CDH13: variants seen among roughly 807,000 people sequenced by gnomAD.
The protein encoded by CDH13 is cadherin 13.
In CDH13, 24 loss-of-function variants were observed where a neutral mutation model predicts 63.8. The observed-to-expected ratio is 0.38, with a 90% CI of 0.27 to 0.53. The LOEUF is 0.53. Ranked by LOEUF, CDH13 falls within the 20% of genes least tolerant of loss-of-function variation. The pLI is 0.85. For missense variants in CDH13, 1,049 were observed against 903.1 expected (o/e 1.16, Z -2.07); for synonymous variants, 503 against 355.3 (o/e 1.42, Z -4.67).
chr16:83,571,858 G>A (rs1350358093), intron 7 of CDH13, among the ~76,000 whole-genome samples: 1 of 152,102 alleles, frequency 6.6e-6, no homozygotes, highest in African/African-American at 2.4e-5. Context: ...TCATTCCCCT[G>A]GCTCCTCACA....
intron 2 of CDH13, among the ~76,000 whole-genome samples, chr16:82,895,023 A>C (rs1370622800): frequency 6.6e-6 from 1 of 152,192 alleles, no homozygotes; most frequent in African/African-American, 2.4e-5. Context: ...TGTATCAGCC[A>C]TGATGTTTTC....
chr16:83,080,809 G>T (rs748287513), intron 3 of CDH13, among the ~76,000 whole-genome samples: 1 of 147,744 alleles, frequency 6.8e-6, no homozygotes, highest in African/African-American at 2.5e-5. Context: ...AAATTAGTGG[G>T]TTATTTTTTA....
At chr16:83,069,340 TA>T (rs2032263087) in intron 3 of CDH13, among the ~76,000 whole-genome samples, 1 of 152,174 alleles carries the variant, frequency 6.6e-6, no homozygotes, top group South Asian at 2.1e-4. Context: ...TTCTGATTAA[TA>T]AAAATAATTT....
At chr16:83,081,106 C>A (rs1432580059) in intron 3 of CDH13, among the ~76,000 whole-genome samples, 1 of 151,792 alleles carries the variant, frequency 6.6e-6, no homozygotes, top group African/African-American at 2.4e-5. Context: ...GTCTCGAACT[C>A]CCGACGTCAG....
At chr16:83,589,821 G>A (rs777407760) in intron 7 of CDH13, among the ~76,000 whole-genome samples, 6 of 152,120 alleles carry the variant, frequency 3.9e-5, no homozygotes, top group African/African-American at 9.7e-5. Flanking sequence ...AGGCAGGAGT[G>A]ACTCTGGGAA....
intron 3 of CDH13, among the ~76,000 whole-genome samples, chr16:83,055,701 C>G (rs2030856261): frequency 6.6e-6 from 1 of 151,976 alleles, no homozygotes; most frequent in Non-Finnish European, 1.5e-5. Context: ...CTTATGCAAA[C>G]TCTTCTGTAA....
chr16:82,861,280 A>T (rs75196932), intron 2 of CDH13, among the ~76,000 whole-genome samples: 2,533 of 152,266 alleles, frequency 0.017, 34 homozygotes, highest in Non-Finnish European at 0.025. Context: ...TTTTTCCTTT[A>T]TCTTTGCAAT....
intron 8 of CDH13, among the ~76,000 whole-genome samples, chr16:83,658,929 C>G (rs1333186487): frequency 1.4e-5 from 2 of 141,220 alleles, no homozygotes; most frequent in Non-Finnish European, 3.1e-5. Context: ...TCCTCACCAG[C>G]AAGGTCCCAT....
intron 6 of CDH13, among the ~76,000 whole-genome samples, chr16:83,377,607 G>A (rs889825603): frequency 6.6e-6 from 1 of 152,162 alleles, no homozygotes; most frequent in Non-Finnish European, 1.5e-5. Context: ...GGCCATAAAT[G>A]TAAAAATAAA....
In CDH13 at chr16:83,556,876, C is replaced by A. The variant is rs545400861; in HGVS notation, c.961-45578C>A. On this transcript the variant is annotated intron_variant, in intron 7 of 13. Coordinates refer to ENST00000567109, the MANE Select transcript of CDH13 (RefSeq NM_001257.5). ...AGGAAACGTTGAAGCGCCTCCTGGG[C>A]TGTGTCCCTCCATCCCTGTGCCTCT... is the stretch of plus-strand genomic sequence containing the variant. 3.9e-5 allele frequency among the ~76,000 whole-genome samples: 6 copies of A among 152,326 alleles called. No homozygotes were observed. In the East Asian group the frequency reaches 1.2e-3, roughly 29 times the overall value.
intron 7 of CDH13, among the ~76,000 whole-genome samples, chr16:83,552,145 C>G (rs192028015): frequency 3.3e-5 from 5 of 152,168 alleles, no homozygotes; most frequent in Admixed American, 2.6e-4. Context: ...GCCCTTTGTC[C>G]TCAGACAGTG....
chr16:83,248,011 G>C (rs1343488674), intron 5 of CDH13, among the ~76,000 whole-genome samples: 1 of 152,176 alleles, frequency 6.6e-6, no homozygotes, highest in Admixed American at 6.5e-5. Context: ...AGAGTAGAAA[G>C]GCGAGAGTGA....
intron 4 of CDH13, among the ~76,000 whole-genome samples, chr16:83,154,287 T>C (rs2151700049): frequency 6.6e-6 from 1 of 152,266 alleles, no homozygotes; most frequent in East Asian, 1.9e-4. Flanking sequence ...CCAAGTGCAG[T>C]GGCTCACATC....
At chr16:82,649,002 A>T (rs1910424594) in intron 1 of CDH13, among the ~76,000 whole-genome samples, 1 of 152,154 alleles carries the variant, frequency 6.6e-6, no homozygotes, top group Admixed American at 6.5e-5. Context: ...ATGGGGAAGA[A>T]AGAGAAAAGT....
chr16:83,441,774 G>C (rs776158213), intron 6 of CDH13, among the ~76,000 whole-genome samples: 2 of 152,122 alleles, frequency 1.3e-5, no homozygotes, highest in African/African-American at 2.4e-5. Flanking sequence ...AGCCCTATGA[G>C]TAAATGTGAT....
At chr16:83,490,267 C>A (rs1481239440) in intron 7 of CDH13, among the ~76,000 whole-genome samples, 4 of 152,168 alleles carry the variant, frequency 2.6e-5, no homozygotes, top group Non-Finnish European at 5.9e-5. Context: ...AAGGGAGAGG[C>A]AGATGATGCA....
chr16:83,000,398 G>C (rs1443621037), intron 2 of CDH13, among the ~76,000 whole-genome samples: 1 of 149,988 alleles, frequency 6.7e-6, no homozygotes, highest in African/African-American at 2.4e-5. Flanking sequence ...ACAGGCGCCC[G>C]CCACCACGCC....
chr16:83,482,009 G>T (rs537117887), intron 6 of CDH13, among the ~76,000 whole-genome samples: 7 of 152,184 alleles, frequency 4.6e-5, no homozygotes, highest in African/African-American at 1.7e-4. Flanking sequence ...CCTGCTGCAT[G>T]TCAGCCCTGG....
At chr16:83,263,577 C>CA (rs1907237068) in intron 5 of CDH13, among the ~76,000 whole-genome samples, 1 of 152,040 alleles carries the variant, frequency 6.6e-6, no homozygotes, top group Non-Finnish European at 1.5e-5. Context: ...ATAAAAAAAA[C>CA]AAAACAAAAC....
Sources: gnomAD v4.1 joint callset for allele counts (sites outside exome capture counted in the v4.1 genomes callset) on GRCh38, gnomAD v4.1.1 for gene constraint, MANE v1.5 for transcripts, NCBI Gene and HGNC (gene_info 2026-07-23, HGNC 2026-07-21) for gene names.